SCFD2: variants seen among roughly 807,000 people sequenced by gnomAD.
SCFD2 encodes sec1 family domain containing 2.
Under a neutral mutation model 58.9 loss-of-function variants are expected in SCFD2, and 54 were observed. That is an observed-to-expected ratio of 0.92 (90% CI 0.74 to 1.15). SCFD2 has a LOEUF of 1.15. SCFD2 is among the 50% of genes most tolerant of loss of function. The pLI, the probability that SCFD2 is intolerant of heterozygous loss-of-function variation, is 0.00. For missense variants in SCFD2, 805 were observed against 836.6 expected, an observed-to-expected ratio of 0.96 and a Z score of 0.47; for synonymous variants, 321 against 335.9, an observed-to-expected ratio of 0.96 and a Z score of 0.49.
chr4:53,343,816 C>T lies in SCFD2; in HGVS notation c.1007+8782G>A, dbSNP rs996191206. On this transcript the variant is annotated intron_variant, in intron 2 of 8. Coordinates refer to ENST00000401642, the MANE Select transcript of SCFD2 (RefSeq NM_152540.4). ...GGTTCAACATATGCAAATCAATAAA[C>T]ATAATCCAGCATATAAACAGAACCA... Among the ~76,000 whole-genome samples the T allele has an allele frequency of 1.8e-4, 27 of 152,156 alleles. 3 individuals are homozygous for T. The highest frequency in any genetic ancestry group is 1.4e-3 in the Admixed American group (22 of 15,264).
At chr4:53,316,661 C>T (rs1373598407) in intron 2 of SCFD2, among the ~76,000 whole-genome samples, 1 of 152,138 alleles carries the variant, frequency 6.6e-6, no homozygotes, top group Non-Finnish European at 1.5e-5. Context: ...CTTATTCATA[C>T]AATCTTGATT....
chr4:53,075,736 T>C (rs1723952696), intron 5 of SCFD2, among the ~76,000 whole-genome samples: 1 of 152,154 alleles, frequency 6.6e-6, no homozygotes, highest in Admixed American at 6.6e-5. Flanking sequence ...ATTTGCTGTC[T>C]TACATGGGGG....
intron 4 of SCFD2, among the ~76,000 whole-genome samples, chr4:53,210,113 T>C (rs1577844103): frequency 6.6e-6 from 1 of 152,120 alleles, no homozygotes; most frequent in Admixed American, 6.5e-5. Flanking sequence ...ATTTTCATGA[T>C]ACCTTGAGCC....
At chr4:53,121,863 A>AT (rs11452906) in intron 5 of SCFD2, among the ~76,000 whole-genome samples, 17,882 of 152,100 alleles carry the variant, frequency 0.12, 1,312 homozygotes, top group South Asian at 0.25. Context: ...TACCCGTGTG[A>AT]TTTTTTTAAA....
chr4:52,999,669 T>G (rs1013766802), intron 5 of SCFD2, among the ~76,000 whole-genome samples: 3 of 152,214 alleles, frequency 2.0e-5, no homozygotes, highest in African/African-American at 7.2e-5. Context: ...TTAAATACTG[T>G]TTGACATTCT....
chr4:53,210,501 T>C (rs1728573388), intron 4 of SCFD2, among the ~76,000 whole-genome samples: 1 of 152,114 alleles, frequency 6.6e-6, no homozygotes, highest in African/African-American at 2.4e-5. Flanking sequence ...ACAGATTGAA[T>C]GCAGAAGGAG....
In SCFD2 at chr4:52,984,966, T is replaced by C. The variant is rs182677048; in HGVS notation, c.1562-64096A>G. Among the ~76,000 whole-genome samples the C allele has an allele frequency of 4.1e-3, 627 of 152,360 alleles. 2 individuals carry two copies. Among genetic ancestry groups the C allele is most frequent in the Admixed American group, 7.7e-3 (118 of 15,310 alleles). The stretch of plus-strand genomic sequence containing the variant: ...AACTATCAAAACCTACTGAAACTTA[T>C]TAAGCTGAATTCTGTCACCAGTAAC... On this transcript the variant is annotated intron_variant, in intron 5 of 8. Coordinates refer to ENST00000401642, the MANE Select transcript of SCFD2 (RefSeq NM_152540.4).
chr4:53,034,674 C>A (rs557274583), intron 5 of SCFD2, among the ~76,000 whole-genome samples: 16 of 152,230 alleles, frequency 1.1e-4, no homozygotes, highest in African/African-American at 3.6e-4. Flanking sequence ...TTCCTATACA[C>A]CAATAACAGA....
intron 4 of SCFD2, among the ~76,000 whole-genome samples, chr4:53,207,363 G>A (rs1728438807): frequency 6.9e-6 from 1 of 144,154 alleles, no homozygotes; most frequent in Admixed American, 7.1e-5. Context: ...TTTTTAAATA[G>A]TGCTCACATT....
At chr4:52,903,719 G>T (rs1200630585) in intron 7 of SCFD2, among the ~76,000 whole-genome samples, 1 of 152,058 alleles carries the variant, frequency 6.6e-6, no homozygotes, top group Non-Finnish European at 1.5e-5. Context: ...TGTGCAACTG[G>T]GTTGTGTTAT....
At chr4:53,007,305 G>GGGGAGAGAGAGAGAGAGAGAGA (rs1553913998) in intron 5 of SCFD2, among the ~76,000 whole-genome samples, 1 of 66,072 alleles carries the variant, frequency 1.5e-5, no homozygotes, top group African/African-American at 6.2e-5. Flanking sequence ...AGAGGGAGAG[G>GGGGAGAGAGAGAGAGAGAGAGA]GAGAGAGAGA....
chr4:53,188,952 G>A (rs906771187), intron 4 of SCFD2, among the ~76,000 whole-genome samples: 1 of 152,080 alleles, frequency 6.6e-6, no homozygotes, highest in African/African-American at 2.4e-5. Context: ...TGGTTCATAT[G>A]ATCACCTCCA....
intron 5 of SCFD2, among the ~76,000 whole-genome samples, chr4:53,000,930 G>A (rs1330097144): frequency 6.6e-6 from 1 of 152,160 alleles, no homozygotes; most frequent in African/African-American, 2.4e-5. Flanking sequence ...CGGGGGTTTG[G>A]GGACCCCTGC....
intron 3 of SCFD2, among the ~76,000 whole-genome samples, chr4:53,285,083 A>T (rs1731625031): frequency 6.6e-6 from 1 of 152,216 alleles, no homozygotes; most frequent in Admixed American, 6.5e-5. Flanking sequence ...TTTCAAGGCT[A>T]CCATGGAATA....
At chr4:53,279,804 T>C (rs1034982514) in intron 3 of SCFD2, among the ~76,000 whole-genome samples, 6 of 152,100 alleles carry the variant, frequency 3.9e-5, no homozygotes, top group African/African-American at 1.4e-4. Context: ...AACATGCCCA[T>C]CTTCACAAGG....
intron 5 of SCFD2, among the ~76,000 whole-genome samples, chr4:53,018,894 T>G (rs2148812383): frequency 6.6e-6 from 1 of 152,300 alleles, no homozygotes; most frequent in African/African-American, 2.4e-5. Context: ...TCACAGTGTA[T>G]ACTCAAGATG....
intron 3 of SCFD2, among the ~76,000 whole-genome samples, chr4:53,275,224 A>G (rs777895346): frequency 6.6e-5 from 10 of 152,246 alleles, no homozygotes; most frequent in Non-Finnish European, 1.2e-4. Context: ...GCTAAAAGTA[A>G]AGACCTTGCC....
At position 53,161,414 on chromosome 4, in the gene SCFD2, T is replaced by C. The variant is rs183062981; in HGVS notation, c.1312-15832A>G. Among the ~76,000 whole-genome samples, 179 of 152,286 alleles carry C rather than the reference T, an allele frequency of 1.2e-3. 1 individual carries two copies. Among genetic ancestry groups the C allele is most frequent in the African/African-American group, 4.1e-3 (172 of 41,564 alleles). On this transcript the variant is annotated intron_variant, in intron 4 of 8. Coordinates refer to ENST00000401642, the MANE Select transcript of SCFD2 (RefSeq NM_152540.4). ...TATCCAAAGTAAGAGCAGGAAAACA[T>C]AAGAAGCTTACAGAATTCATCAAAT...
At chr4:53,084,404 CT>C (rs1724241209) in intron 5 of SCFD2, among the ~76,000 whole-genome samples, 1 of 152,090 alleles carries the variant, frequency 6.6e-6, no homozygotes, top group Non-Finnish European at 1.5e-5. Context: ...ATAAAAATCG[CT>C]GTTATTCTGT....
Sources: gnomAD v4.1 joint callset for allele counts (sites outside exome capture counted in the v4.1 genomes callset) on GRCh38, gnomAD v4.1.1 for gene constraint, MANE v1.5 for transcripts, NCBI Gene and HGNC (gene_info 2026-07-23, HGNC 2026-07-21) for gene names.